The following RNF121 variants were observed in gnomAD, a reference collection of about 807,000 sequenced individuals.
RNF121 encodes ring finger protein 121, also known as E3 ubiquitin ligase RNF121.
Under a neutral mutation model 46.5 loss-of-function variants are expected in RNF121, and 21 were observed. That is an observed-to-expected ratio of 0.45 (90% CI 0.32 to 0.65). The LOEUF (loss-of-function observed/expected upper bound fraction) is 0.65, where lower values mean the gene tolerates loss of function less well. Ranked by LOEUF, RNF121 falls within the 30% of genes least tolerant of loss-of-function variation. RNF121 has a pLI of 0.04. For synonymous variants in RNF121, 139 were observed against 144.7 expected (o/e 0.96, Z 0.28); for missense variants, 346 against 416.0 (o/e 0.83, Z 1.46).
intron 1 of RNF121, among the ~76,000 whole-genome samples, chr11:71,944,672 C>T (rs1953671469): frequency 6.6e-6 from 1 of 152,174 alleles, no homozygotes; most frequent in African/African-American, 2.4e-5. Context: ...GGAGTTCTTA[C>T]TTTCACAGGC....
intron 3 of RNF121, among the ~76,000 whole-genome samples, chr11:71,978,674 A>G (rs970098780): frequency 1.3e-5 from 2 of 152,258 alleles, no homozygotes; most frequent in Non-Finnish European, 2.9e-5. Context: ...GAACTATTAT[A>G]TCAAATGCTT....
chr11:71,947,379 C>T (rs1953751702), intron 1 of RNF121, among the ~76,000 whole-genome samples: 1 of 151,770 alleles, frequency 6.6e-6, no homozygotes, highest in African/African-American at 2.4e-5. Flanking sequence ...GTCCTAGCTA[C>T]TCAGGAGGCT....
chr11:71,967,642 C>T (rs1017513495), intron 3 of RNF121, among the ~76,000 whole-genome samples: 1 of 152,002 alleles, frequency 6.6e-6, no homozygotes, highest in African/African-American at 2.4e-5. Flanking sequence ...AGGATAGTCT[C>T]GATCTCCTGA....
chr11:71,939,052 C>A (rs1953497323), intron 1 of RNF121, among the ~76,000 whole-genome samples: 1 of 152,078 alleles, frequency 6.6e-6, no homozygotes. Flanking sequence ...TTACAGGCAC[C>A]CGCCATCATG....
intron 3 of RNF121, chr11:71,978,042 A>G (rs2134199582): frequency 3.4e-6 from 1 of 291,820 alleles, no homozygotes; most frequent in African/African-American, 2.3e-5. Flanking sequence ...AATAAATTCT[A>G]AAGTAGAAAC....
At chr11:71,946,336 A>G (rs1341369402) in intron 1 of RNF121, among the ~76,000 whole-genome samples, 3 of 152,216 alleles carry the variant, frequency 2.0e-5, no homozygotes, top group African/African-American at 7.2e-5. Flanking sequence ...GTGATCCTTG[A>G]AAACATTTTG....
At chr11:71,936,758 T>C (rs1490471943) in intron 1 of RNF121, among the ~76,000 whole-genome samples, 1 of 152,140 alleles carries the variant, frequency 6.6e-6, no homozygotes, top group Admixed American at 6.6e-5. Flanking sequence ...ATTTAAGATG[T>C]CATTCGGTCA....
In RNF121 at chr11:71,994,803, A is replaced by T. The variant is rs1420632182; in HGVS notation, c.712A>T (p.Ser238Cys). 3.1e-6 allele frequency: 5 copies of T among 1,614,172 alleles called. No homozygotes were observed. Among genetic ancestry groups the T allele is most frequent in the Non-Finnish European group, 4.2e-6 (5 of 1,180,020 alleles). ...VCGQQIFVDV[S>C]EEGIIENTYR... ...TGGGCAGCAGATCTTTGTGGACGTC[A>T]GTGAAGAGGGGATCATTGAGAACAC... The change falls in exon 7 of 9, where the codon AGT becomes TGT. Residue 238 changes from serine (S) to cysteine (C), a missense_variant. By Grantham distance (112) the Ser-to-Cys change is moderately radical. Coordinates refer to ENST00000361756, the MANE Select transcript of RNF121 (RefSeq NM_018320.5).
At chr11:71,962,412 C>A in intron 3 of RNF121, 1 of 434,058 alleles carries the variant, frequency 2.3e-6, no homozygotes, top group Non-Finnish European at 3.1e-6. Context: ...AGAGGCTGCT[C>A]TGCTTGATAT....
At chr11:71,948,636 A>G (rs1464440140) in intron 1 of RNF121, among the ~76,000 whole-genome samples, 5 of 151,720 alleles carry the variant, frequency 3.3e-5, no homozygotes, top group Non-Finnish European at 4.4e-5. Flanking sequence ...GCCAACATCT[A>G]CTTTCACTTC....
Position 71,994,863 on chromosome 11 carries a change from T to G in RNF121, c.761+11T>G. 1 of 1,614,106 alleles carries G rather than the reference T, an allele frequency of 6.2e-7. No individual in the cohort carries two copies. The highest frequency in any genetic ancestry group is 1.1e-5 in the South Asian group (1 of 91,082). On this transcript the variant is annotated intron_variant, in intron 7 of 8. Coordinates refer to ENST00000361756, the MANE Select transcript of RNF121 (RefSeq NM_018320.5). Reference sequence around the variant, plus strand: ...GTCCTGCAATCATGTGTATCCTGCCTCGAGCTCCTGGGCCACATCTCTCCT... The same window carrying G: ...GTCCTGCAATCATGTGTATCCTGCCGCGAGCTCCTGGGCCACATCTCTCCT...
At chr11:71,961,264 A>AT (rs763698859) in intron 3 of RNF121, among the ~76,000 whole-genome samples, 7 of 152,244 alleles carry the variant, frequency 4.6e-5, no homozygotes, top group African/African-American at 1.7e-4. Context: ...ACTAATCTAA[A>AT]TTTTTTTAAA....
intron 2 of RNF121, among the ~76,000 whole-genome samples, chr11:71,960,313 C>T (rs1286511243): frequency 2.0e-5 from 3 of 152,244 alleles, no homozygotes; most frequent in Non-Finnish European, 2.9e-5. Flanking sequence ...TGCAGCGTTA[C>T]TCCTTTACTG....
At chr11:71,988,441 G>A (rs1403649909) in intron 5 of RNF121, among the ~76,000 whole-genome samples, 4 of 152,058 alleles carry the variant, frequency 2.6e-5, no homozygotes, top group Non-Finnish European at 1.5e-5. Context: ...GATGATCACT[G>A]GCCTCTTCCC....
chr11:71,948,006 T>C (rs1415860383), intron 1 of RNF121, among the ~76,000 whole-genome samples: 1 of 152,180 alleles, frequency 6.6e-6, no homozygotes, highest in East Asian at 1.9e-4. Flanking sequence ...GATAGTTCTG[T>C]TCTGAAAGAT....
At chr11:71,949,842 A>C (rs1367177174) in intron 1 of RNF121, among the ~76,000 whole-genome samples, 3 of 151,970 alleles carry the variant, frequency 2.0e-5, no homozygotes, top group Non-Finnish European at 4.4e-5. Flanking sequence ...TGAAAAAAAA[A>C]ATACAAAACA....
chr11:71,964,460 T>G (rs1207283766), intron 3 of RNF121, among the ~76,000 whole-genome samples: 1 of 151,688 alleles, frequency 6.6e-6, no homozygotes, highest in Non-Finnish European at 1.5e-5. Context: ...CTTCTTCTTT[T>G]CCAATTGGAT....
chr11:71,982,710 G>GAGC, intron 3 of RNF121, 51 bp from the exon 4 acceptor site: 1 of 1,551,888 alleles, frequency 6.4e-7, no homozygotes, highest in Non-Finnish European at 8.7e-7. Flanking sequence ...ACTGTGGACA[G>GAGC]AGCTGCAGAG....
Position 71,964,603 on chromosome 11 carries a change from A to G in RNF121, c.243+3712A>G, listed in dbSNP as rs527891347. ...GGTGATCCTCCCACCTCAGACTTCC[A>G]AGTAGCTGGGACTACACGCGCACAC... On this transcript the variant is annotated intron_variant, in intron 3 of 8. Transcript: ENST00000361756. Among the ~76,000 whole-genome samples, 5 of 152,080 alleles carry G rather than the reference A, an allele frequency of 3.3e-5. No homozygotes were observed. The South Asian group carries it at 1.0e-3, about 32-fold the overall frequency.
Sources: gnomAD v4.1 joint callset for allele counts (sites outside exome capture counted in the v4.1 genomes callset) on GRCh38, gnomAD v4.1.1 for gene constraint, MANE v1.5 for transcripts, NCBI Gene and HGNC (gene_info 2026-07-23, HGNC 2026-07-21) for gene names.